The following DNAJC1 variants were observed in gnomAD, a reference collection of about 807,000 sequenced individuals.
DNAJC1 encodes dnaJ homolog subfamily C member 1.
A neutral mutation model predicts 76.6 loss-of-function variants in DNAJC1; 58 were observed. The observed-to-expected ratio is 0.76, with a 90% confidence interval of 0.61 to 0.94. The LOEUF (loss-of-function observed/expected upper bound fraction) is 0.94. Among genes scored for constraint, DNAJC1 ranks in the 40% least tolerant of loss-of-function variants. The pLI is 0.00. For synonymous variants in DNAJC1, 258 were observed against 267.9 expected (o/e 0.96, Z 0.36); for missense variants, 689 against 677.3 (o/e 1.02, Z -0.19).
chr10:21,881,271 CT>C (rs1253547262), intron 8 of DNAJC1, among the ~76,000 whole-genome samples: 2 of 152,184 alleles, frequency 1.3e-5, no homozygotes, highest in African/African-American at 4.8e-5. Flanking sequence ...GTTTTGCTTG[CT>C]TACCTTTGAT....
rs113918265 is a variant in DNAJC1 at position 21,964,104 on chromosome 10, A to C, written c.223-34963T>G. 7.8e-3 allele frequency among the ~76,000 whole-genome samples: 1,173 copies of C among 149,638 alleles called. 13 individuals carry two copies. Among genetic ancestry groups the C allele is most frequent in the Non-Finnish European group, 0.012 (813 of 68,002 alleles). ...GTTAATTAATGGTAAATTTTTGAAA[A>C]GAAAATTTTTGAAAAGACATGGTAT... is the stretch of plus-strand genomic sequence containing the variant. On this transcript the variant is annotated intron_variant, in intron 1 of 11. Transcript: ENST00000376980.
chr10:21,846,896 T>A (rs1464229269), intron 8 of DNAJC1, among the ~76,000 whole-genome samples: 10 of 150,840 alleles, frequency 6.6e-5, no homozygotes, highest in South Asian at 2.1e-4. Flanking sequence ...TTTTTTTTTT[T>A]AAACTCCGTT....
At chr10:21,799,557 C>G (rs1385334258) in intron 9 of DNAJC1, among the ~76,000 whole-genome samples, 1 of 152,172 alleles carries the variant, frequency 6.6e-6, no homozygotes, top group African/African-American at 2.4e-5. Flanking sequence ...CCTGTCCCAG[C>G]CTATCAAAGT....
intron 6 of DNAJC1, among the ~76,000 whole-genome samples, chr10:21,910,121 T>C (rs1836830890): frequency 6.6e-6 from 1 of 151,960 alleles, no homozygotes; most frequent in African/African-American, 2.4e-5. Flanking sequence ...AAACCTTTTT[T>C]TTTTTTCTTT....
At chr10:21,833,333 T>C (rs1434275943) in intron 8 of DNAJC1, among the ~76,000 whole-genome samples, 2 of 151,952 alleles carry the variant, frequency 1.3e-5, no homozygotes, top group Admixed American at 6.6e-5. Context: ...CAGCTGGGCA[T>C]GGTGACGGGC....
At chr10:21,773,814 T>C (rs1834420682) in intron 9 of DNAJC1, among the ~76,000 whole-genome samples, 1 of 151,952 alleles carries the variant, frequency 6.6e-6, no homozygotes, top group African/African-American at 2.4e-5. Context: ...TTTTTTTTTT[T>C]TTTTTGCTAT....
chr10:21,826,048 C>T (rs1835243727), intron 8 of DNAJC1, among the ~76,000 whole-genome samples: 1 of 151,990 alleles, frequency 6.6e-6, no homozygotes, highest in African/African-American at 2.4e-5. Context: ...ATCAGCCTGG[C>T]CAACATGGCA....
intron 8 of DNAJC1, among the ~76,000 whole-genome samples, chr10:21,836,125 C>T (rs1028217809): frequency 5.9e-5 from 9 of 152,220 alleles, no homozygotes; most frequent in Non-Finnish European, 8.8e-5. Context: ...AACAGCGGAT[C>T]TCTCGGCAGA....
intron 1 of DNAJC1, among the ~76,000 whole-genome samples, chr10:21,967,075 TAC>T (rs967219907): frequency 6.6e-6 from 1 of 151,758 alleles, no homozygotes; most frequent in African/African-American, 2.4e-5. Flanking sequence ...AAATATAATT[TAC>T]ACACAATTCA....
At chr10:21,841,638 T>G (rs1191053990) in intron 8 of DNAJC1, among the ~76,000 whole-genome samples, 1 of 152,124 alleles carries the variant, frequency 6.6e-6, no homozygotes. Flanking sequence ...AATAGGAACA[T>G]TTTTACACTG....
At chr10:21,975,350 TGAGA>T (rs770589296) in intron 1 of DNAJC1, among the ~76,000 whole-genome samples, 1 of 148,584 alleles carries the variant, frequency 6.7e-6, no homozygotes, top group East Asian at 2.0e-4. Flanking sequence ...AGAAAGAGAG[TGAGA>T]GAGAGAGACC....
chr10:21,921,643 T>C (rs538227811), intron 3 of DNAJC1, among the ~76,000 whole-genome samples: 7 of 152,130 alleles, frequency 4.6e-5, no homozygotes, highest in South Asian at 2.1e-4. Flanking sequence ...AACAATTAAG[T>C]GGCAATTTCC....
chr10:21,833,388 T>C (rs900048034), intron 8 of DNAJC1, among the ~76,000 whole-genome samples: 2 of 152,116 alleles, frequency 1.3e-5, no homozygotes, highest in Non-Finnish European at 2.9e-5. Flanking sequence ...GGCGAATCAA[T>C]TGAACCTAGG....
At chr10:21,824,411 CAG>C (rs1412940783) in intron 8 of DNAJC1, among the ~76,000 whole-genome samples, 2 of 152,176 alleles carry the variant, frequency 1.3e-5, no homozygotes, top group African/African-American at 2.4e-5. Flanking sequence ...CGGTGAATAA[CAG>C]AGACTACTAG....
At chr10:21,896,735 A>AG (rs367681859) in intron 7 of DNAJC1, among the ~76,000 whole-genome samples, 18 of 151,658 alleles carry the variant, frequency 1.2e-4, no homozygotes, top group Admixed American at 3.3e-4. Context: ...AAATTTTGGA[A>AG]GGGGGGGGTT....
Position 21,918,883 on chromosome 10 carries a change from G to A in DNAJC1, c.636-11C>T. On this transcript the variant is annotated splice_polypyrimidine_tract_variant and intron_variant, in intron 5 of 11. Transcript: ENST00000376980. ...GGTTTCATCAGCAATCTAAAGGGAG[G>A]GAGAAAAAAGAACACCATACAACAT... 3 of 1,593,336 alleles carry A rather than the reference G, an allele frequency of 1.9e-6. No homozygotes were observed. Among genetic ancestry groups the A allele is most frequent in the Admixed American group, 1.7e-5 (1 of 59,834 alleles).
intron 8 of DNAJC1, among the ~76,000 whole-genome samples, chr10:21,864,742 T>C (rs796572002): frequency 1.2e-4 from 18 of 152,034 alleles, no homozygotes; most frequent in African/African-American, 4.1e-4. Context: ...AAGAAAAAAA[T>C]TGAACATACA....
intron 6 of DNAJC1, among the ~76,000 whole-genome samples, chr10:21,906,332 T>C (rs1236641742): frequency 6.6e-6 from 1 of 151,964 alleles, no homozygotes; most frequent in Non-Finnish European, 1.5e-5. Context: ...TGGGTTAAGG[T>C]TTTATAGCCC....
chr10:21,891,476 C>CAAAAAAAAAAAAAAAAAAAA (rs369729722), intron 7 of DNAJC1, among the ~76,000 whole-genome samples: 4 of 38,852 alleles, frequency 1.0e-4, no homozygotes, highest in African/African-American at 1.9e-4. Context: ...ACAAAGTAGA[C>CAAAAAAAAAAAAAAAAAAAA]AAAAAAAAAA....
Sources: gnomAD v4.1 joint callset for allele counts (sites outside exome capture counted in the v4.1 genomes callset) on GRCh38, gnomAD v4.1.1 for gene constraint, MANE v1.5 for transcripts, NCBI Gene and HGNC (gene_info 2026-07-23, HGNC 2026-07-21) for gene names.